The following SPRED2 variants were observed in gnomAD, a reference collection of about 807,000 sequenced individuals.
SPRED2 encodes sprouty related EVH1 domain containing 2.
In SPRED2, 47 loss-of-function variants were observed where a neutral mutation model predicts 43.0. That is an observed-to-expected ratio of 1.09 (90% CI 0.87 to 1.40). The LOEUF (loss-of-function observed/expected upper bound fraction) is 1.40. SPRED2 is among the 40% of genes most tolerant of loss of function. SPRED2 has a pLI of 0.00. For missense variants in SPRED2, 561 were observed against 586.4 expected, an observed-to-expected ratio of 0.96 and a Z score of 0.45; for synonymous variants, 225 against 225.7, an observed-to-expected ratio of 1.00 and a Z score of 0.03.
chr2:65,337,477 C>G (rs1249260933), intron 2 of SPRED2, among the ~76,000 whole-genome samples: 1 of 152,160 alleles, frequency 6.6e-6, no homozygotes, highest in African/African-American at 2.4e-5. Flanking sequence ...CATGAGGACT[C>G]CATTCCTACT....
chr2:65,387,093 G>A (rs1010267799), intron 1 of SPRED2, among the ~76,000 whole-genome samples: 9 of 152,252 alleles, frequency 5.9e-5, no homozygotes, highest in Non-Finnish European at 1.2e-4. Context: ...AAGCCAGTGG[G>A]GCTCTCACAG....
intron 1 of SPRED2, among the ~76,000 whole-genome samples, chr2:65,357,576 A>G (rs1674691941): frequency 6.6e-6 from 1 of 152,218 alleles, no homozygotes; most frequent in South Asian, 2.1e-4. Flanking sequence ...AAGTGCGCAT[A>G]TTCAAGTTAG....
intron 1 of SPRED2, among the ~76,000 whole-genome samples, chr2:65,418,344 A>G (rs1387367675): frequency 6.6e-6 from 1 of 152,188 alleles, no homozygotes; most frequent in Non-Finnish European, 1.5e-5. Context: ...CTCCCCCAGC[A>G]TAAACTCAGA....
chr2:65,324,736 C>G (rs547754818), intron 4 of SPRED2, among the ~76,000 whole-genome samples: 2 of 152,244 alleles, frequency 1.3e-5, no homozygotes, highest in South Asian at 2.1e-4. Context: ...CCAGGCCAGA[C>G]GAGCTGAGGA....
At chr2:65,375,155 G>A (rs1000335166) in intron 1 of SPRED2, among the ~76,000 whole-genome samples, 61 of 152,326 alleles carry the variant, frequency 4.0e-4, no homozygotes, top group African/African-American at 1.3e-3. Flanking sequence ...CCCTGCCCAC[G>A]TGCCTTGCCA....
intron 1 of SPRED2, among the ~76,000 whole-genome samples, chr2:65,357,484 C>T (rs1674687215): frequency 6.6e-6 from 1 of 152,244 alleles, no homozygotes; most frequent in South Asian, 2.1e-4. Flanking sequence ...AGGTCACTGA[C>T]ATTAGGGACA....
rs2104098136 is a variant in SPRED2, at chr2:65,312,810, G to A, written c.*691C>T. On this transcript the variant is annotated 3_prime_UTR_variant, in exon 6 of 6. Transcript: ENST00000356388. ...TCAGTCTATTACGGGTGAATGTTTT[G>A]CATCAGTGAATCATTTCAACAGATT... is the stretch of plus-strand genomic sequence containing the variant. The A allele has an allele frequency of 6.1e-6, 6 of 985,804 alleles. No individual in the cohort carries two copies. The South Asian group carries it at 2.8e-4, about 46-fold the overall frequency. The allele number at this position is 985,804 out of a possible 1,614,324, so 61.1% of individuals were successfully genotyped here.
chr2:65,332,287 T>G (rs1673836019), intron 3 of SPRED2: 1 of 369,906 alleles, frequency 2.7e-6, no homozygotes, highest in Non-Finnish European at 5.1e-6. Flanking sequence ...TCTCTCAAAC[T>G]TCTGCACTCG....
chr2:65,375,412 C>A (rs1302065574), intron 1 of SPRED2, among the ~76,000 whole-genome samples: 2 of 150,964 alleles, frequency 1.3e-5, no homozygotes, highest in African/African-American at 5.0e-5. Flanking sequence ...AGTCCCTGAT[C>A]AAATCTCAAC....
chr2:65,342,137 A>G (rs951532640), intron 2 of SPRED2, among the ~76,000 whole-genome samples: 1 of 149,780 alleles, frequency 6.7e-6, no homozygotes, highest in East Asian at 1.9e-4. Context: ...TTAGCAAGCA[A>G]TAAGATTTTA....
intron 1 of SPRED2, among the ~76,000 whole-genome samples, chr2:65,431,100 C>G (rs1676674490): frequency 1.3e-5 from 2 of 151,870 alleles, no homozygotes. Flanking sequence ...GCGACAGTCA[C>G]GGGTCCCGCG....
intron 4 of SPRED2, among the ~76,000 whole-genome samples, chr2:65,319,186 C>T (rs1226224500): frequency 6.6e-6 from 1 of 152,194 alleles, no homozygotes; most frequent in African/African-American, 2.4e-5. Flanking sequence ...GGAGACCCAA[C>T]CCTCCTGGAT....
chr2:65,393,436 A>G (rs1196410264), intron 1 of SPRED2, among the ~76,000 whole-genome samples: 2 of 150,086 alleles, frequency 1.3e-5, no homozygotes. Flanking sequence ...GGTTCAAGTG[A>G]TTCTCCTGCC....
At chr2:65,356,809 T>G (rs1285535166) in intron 1 of SPRED2, among the ~76,000 whole-genome samples, 2 of 151,962 alleles carry the variant, frequency 1.3e-5, no homozygotes, top group Non-Finnish European at 2.9e-5. Context: ...CTGGCCAACA[T>G]GGTGAAACCC....
intron 1 of SPRED2, among the ~76,000 whole-genome samples, chr2:65,389,703 A>G (rs547505285): frequency 6.6e-6 from 1 of 152,350 alleles, no homozygotes; most frequent in Admixed American, 6.5e-5. Flanking sequence ...TCGTTCTCAG[A>G]AATTCTGACA....
intron 4 of SPRED2, among the ~76,000 whole-genome samples, chr2:65,329,421 A>T (rs1673741458): frequency 6.6e-6 from 1 of 152,244 alleles, no homozygotes; most frequent in African/African-American, 2.4e-5. Flanking sequence ...CCTTGTTTGT[A>T]AACAAATGGA....
chr2:65,341,465 G>A (rs1056876256), intron 2 of SPRED2, among the ~76,000 whole-genome samples: 4 of 152,142 alleles, frequency 2.6e-5, no homozygotes, highest in African/African-American at 9.7e-5. Flanking sequence ...GCGGACAGAG[G>A]ACTGGACTGC....
intron 2 of SPRED2, among the ~76,000 whole-genome samples, chr2:65,343,721 G>T (rs1015713232): frequency 2.0e-5 from 3 of 152,114 alleles, no homozygotes; most frequent in African/African-American, 4.8e-5. Flanking sequence ...TCCTATCATA[G>T]ATTCCTTCAT....
At chr2:65,317,543 CAACAACAACAACAACAAA>C (rs1371433849) in intron 4 of SPRED2, among the ~76,000 whole-genome samples, 24 of 137,792 alleles carry the variant, frequency 1.7e-4, no homozygotes, top group African/African-American at 3.3e-4. Flanking sequence ...ACAACAACAA[CAACAACAACAACAACAAA>C]AACAAAACAT....
Sources: allele counts gnomAD v4.1 joint callset (sites outside exome capture counted in the v4.1 genomes callset), GRCh38; gene constraint gnomAD v4.1.1; transcripts MANE v1.5; gene names NCBI Gene and HGNC (gene_info 2026-07-23, HGNC 2026-07-21).